Variants in TRIM49D1 observed in about 807,000 individuals in gnomAD.
TRIM49D1 encodes the protein tripartite motif-containing protein 49D.
rs1438536936 is a variant in TRIM49D1, at chr11:89,921,063, T to C, written c.-215-554A>G. Among the ~76,000 whole-genome samples the C allele has an allele frequency of 1.3e-5, 2 of 152,092 alleles. 1 individual carries two copies. Among genetic ancestry groups the C allele is most frequent in the Admixed American group, 1.3e-4 (2 of 15,274 alleles). ...CTTAAATGCTGCTTTAGTACATTTA[T>C]AGGATATTCGAAGAGAAGTCCAACA... On this transcript the variant is annotated intron_variant, in intron 1 of 7. Coordinates refer to ENST00000420869, the MANE Select transcript of TRIM49D1 (RefSeq NM_001384911.1).
At chr11:89,921,483 C>G (rs1304215202) in intron 1 of TRIM49D1, 1 of 152,002 alleles carries the variant, frequency 6.6e-6, no homozygotes, top group African/African-American at 2.4e-5. Flanking sequence ...ATAGCCCCCA[C>G]AAGACTTATA....
chr11:89,920,624 T>G, intron 1 of TRIM49D1, 115 bp from the exon 2 acceptor site: 1 of 377,638 alleles, frequency 2.6e-6, no homozygotes, highest in South Asian at 4.6e-5. Flanking sequence ...TAAAAAACCA[T>G]GATTTAAATG....
chr11:89,920,850 A>T (rs1404007744), intron 1 of TRIM49D1, among the ~76,000 whole-genome samples: 1 of 151,984 alleles, frequency 6.6e-6, no homozygotes, highest in Non-Finnish European at 1.5e-5. Context: ...CTCCTGCTTC[A>T]GCCTCCCAAG....
intron 1 of TRIM49D1, among the ~76,000 whole-genome samples, chr11:89,920,742 A>C (rs1950327004): frequency 6.6e-6 from 1 of 151,942 alleles, no homozygotes; most frequent in Non-Finnish European, 1.5e-5. Flanking sequence ...CATTCCTCTA[A>C]GGGCACATTT....
intron 1 of TRIM49D1, chr11:89,921,493 AT>A (rs1440347234): frequency 6.6e-6 from 1 of 152,052 alleles, no homozygotes; most frequent in African/African-American, 2.4e-5. Context: ...CAAGACTTAT[AT>A]TCAAGAGTGT....
intron 1 of TRIM49D1, among the ~76,000 whole-genome samples, chr11:89,920,775 G>C (rs1053696842): frequency 2.6e-5 from 4 of 151,994 alleles, no homozygotes; most frequent in East Asian, 1.9e-4. Flanking sequence ...GAAACTGTCT[G>C]CTTGTGGAGT....
intron 7 of TRIM49D1, among the ~76,000 whole-genome samples, 175 bp from the exon 8 acceptor site, chr11:89,912,261 T>C (rs1218118981): frequency 1.4e-5 from 2 of 145,572 alleles, no homozygotes; most frequent in Non-Finnish European, 3.1e-5. Context: ...TAATAAAGTA[T>C]AGAGATGATT....
In TRIM49D1 at chr11:89,921,878, C is replaced by G. The variant is rs1272459721; in HGVS notation, c.-242G>C. The G allele has an allele frequency of 6.6e-6, 1 of 152,076 alleles. No homozygotes were observed. Among genetic ancestry groups the G allele is most frequent in the Non-Finnish European group, 1.5e-5 (1 of 68,030 alleles). The allele number at this position is 152,076 out of a possible 1,614,324, so 9.4% of individuals were successfully genotyped here. On this transcript the variant is annotated 5_prime_UTR_variant, in exon 1 of 8. Coordinates refer to ENST00000420869, the MANE Select transcript of TRIM49D1 (RefSeq NM_001384911.1). ...TGAGTACACTTGCTAGTTACAAGAG[C>G]AGGACCTTTCGTTACATCTGCAAAA...
chr11:89,921,295 G>T (rs573326919), intron 1 of TRIM49D1, among the ~76,000 whole-genome samples: 18 of 151,974 alleles, frequency 1.2e-4, no homozygotes, highest in Non-Finnish European at 2.2e-4. Flanking sequence ...TTAATTTGGG[G>T]ATTATAAACA....
intron 1 of TRIM49D1, among the ~76,000 whole-genome samples, chr11:89,921,245 T>G (rs1055406041): frequency 1.3e-5 from 2 of 152,046 alleles, no homozygotes; most frequent in African/African-American, 4.8e-5. Context: ...CTCCACATGG[T>G]GCATGATGTT....
Position 89,911,915 on chromosome 11 carries a change from TC to T in TRIM49D1, c.1030del (p.Glu344ArgfsTer66), listed in dbSNP as rs1950316394. 4 of 915,904 alleles carry T rather than the reference TC, an allele frequency of 4.4e-6. No individual in the cohort carries two copies. The highest frequency in any genetic ancestry group is 6.0e-6 in the Non-Finnish European group (4 of 672,068). The allele number at this position is 915,904 out of a possible 1,614,324, so 56.7% of individuals were successfully genotyped here. A position where few individuals can be genotyped will look rare whatever the true frequency, so the allele number is the denominator to read the frequency against. ...ATTCCAAGAGTCCCCCACATGGACCTCCCAGTAATATTTGCCAGAGGTGAAA... is the reference window on the plus strand; with the variant it reads ...ATTCCAAGAGTCCCCCACATGGACCTCCAGTAATATTTGCCAGAGGTGAAA... ...QTFTSGKYYW[E>X]VHVGDSWNWA... On this transcript the variant is annotated frameshift_variant, in exon 8 of 8. Transcript: ENST00000420869. LOFTEE classifies it high-confidence loss of function.
At position 89,920,497 on chromosome 11, in the gene TRIM49D1, G is replaced by C. The variant is rs980429818; in HGVS notation, c.-203C>G. On this transcript the variant is annotated 5_prime_UTR_variant, in exon 2 of 8. Coordinates refer to ENST00000420869, the MANE Select transcript of TRIM49D1 (RefSeq NM_001384911.1). ...TGTCCTTTTATAAGAATCTGTGAAG[G>C]CCACACCCACCTCTTTAAGTGGGTG... 1 of 142,142 alleles carries C rather than the reference G, an allele frequency of 7.0e-6. No homozygotes were observed. The highest frequency in any genetic ancestry group is 1.5e-5 in the Non-Finnish European group (1 of 66,496). The allele number at this position is 142,142 out of a possible 1,614,324, so 8.8% of individuals were successfully genotyped here.
At chr11:89,921,218 AT>A (rs1950330253) in intron 1 of TRIM49D1, among the ~76,000 whole-genome samples, 1 of 152,074 alleles carries the variant, frequency 6.6e-6, no homozygotes, top group East Asian at 1.9e-4. Context: ...AATACGAGTT[AT>A]TATTTTAATG....
At chr11:89,921,353 G>C (rs569632767) in intron 1 of TRIM49D1, among the ~76,000 whole-genome samples, 1 of 151,832 alleles carries the variant, frequency 6.6e-6, no homozygotes, top group Non-Finnish European at 1.5e-5. Flanking sequence ...CAAATGATAG[G>C]GATGGATTAT....
chr11:89,920,759 T>G (rs1950327124), intron 1 of TRIM49D1, among the ~76,000 whole-genome samples: 1 of 152,040 alleles, frequency 6.6e-6, no homozygotes, highest in African/African-American at 2.4e-5. Context: ...ATTTATTTAT[T>G]CTAGAGAAAC....
chr11:89,920,855 C>CAGAGGA (rs1950327628), intron 1 of TRIM49D1, among the ~76,000 whole-genome samples: 1 of 151,986 alleles, frequency 6.6e-6, no homozygotes, highest in Non-Finnish European at 1.5e-5. Flanking sequence ...GCTTCAGCCT[C>CAGAGGA]CCAAGTAGCT....
Position 89,921,966 on chromosome 11 carries a change from C to T in TRIM49D1, c.-330G>A, listed in dbSNP as rs145086134. 9.8e-3 allele frequency among the ~76,000 whole-genome samples: 1,485 copies of T among 152,056 alleles called. 44 individuals carry two copies. The highest frequency in any genetic ancestry group is 0.035 in the African/African-American group (1,431 of 41,408). On this transcript the variant is annotated 5_prime_UTR_variant, in exon 1 of 8. Transcript: ENST00000420869. ...ATAACAATAAGAAAGTTTGTCTATG[C>T]CACAAAGTCCAGTTTCATTCTCCTA...
intron 1 of TRIM49D1, 87 bp from the exon 2 acceptor site, chr11:89,920,596 T>A (rs1307969874): frequency 3.0e-6 from 1 of 332,424 alleles, no homozygotes; most frequent in Non-Finnish European, 5.5e-6. Flanking sequence ...CACCGCTGAT[T>A]AAATTATCAT....
At chr11:89,921,345 A>T (rs533031154) in intron 1 of TRIM49D1, among the ~76,000 whole-genome samples, 1 of 152,162 alleles carries the variant, frequency 6.6e-6, no homozygotes, top group African/African-American at 2.4e-5. Context: ...ACAGAATCCA[A>T]ATGATAGGGA....
Sources: gnomAD v4.1 joint callset for allele counts (sites outside exome capture counted in the v4.1 genomes callset) on GRCh38, gnomAD v4.1.1 for gene constraint, MANE v1.5 for transcripts, NCBI Gene and HGNC (gene_info 2026-07-23, HGNC 2026-07-21) for gene names.